Variants in NCMAP observed in about 807,000 individuals in gnomAD.
NCMAP encodes the protein non-compact myelin associated protein.
Under a neutral mutation model 7.8 loss-of-function variants are expected in NCMAP, and 8 were observed. That is an observed-to-expected ratio of 1.02 (90% CI 0.60 to 1.84). NCMAP has a LOEUF of 1.84. Among genes scored for constraint, NCMAP ranks in the 40% most tolerant of loss-of-function variants. NCMAP has a pLI of 0.00. For synonymous variants in NCMAP, 41 were observed against 52.9 expected, an observed-to-expected ratio of 0.78 and a Z score of 0.98; for missense variants, 112 against 131.4, an observed-to-expected ratio of 0.85 and a Z score of 0.72.
chr1:24,575,710 C>T (rs1029342645), intron 1 of NCMAP, among the ~76,000 whole-genome samples: 1 of 151,964 alleles, frequency 6.6e-6, no homozygotes, highest in Non-Finnish European at 1.5e-5. Flanking sequence ...CTTTGAGAGG[C>T]CGAGGCGGCT....
chr1:24,596,482 A>G (rs1227262780), intron 2 of NCMAP, among the ~76,000 whole-genome samples: 1 of 152,146 alleles, frequency 6.6e-6, no homozygotes, highest in African/African-American at 2.4e-5. Context: ...TGGGATTTCA[A>G]GACCAGCCTG....
intron 3 of NCMAP, among the ~76,000 whole-genome samples, chr1:24,602,058 T>G (rs1282845743): frequency 2.7e-5 from 4 of 149,998 alleles, no homozygotes; most frequent in Non-Finnish European, 5.9e-5. Context: ...AAAAAAATCA[T>G]ATATATATGT....
At chr1:24,599,108 C>T (rs112986571) in intron 2 of NCMAP, among the ~76,000 whole-genome samples, 5,253 of 150,622 alleles carry the variant, frequency 0.035, 144 homozygotes, top group Middle Eastern at 0.12. Flanking sequence ...GGTGAAACCC[C>T]GTCTCTATTA....
rs11577466 is a variant in NCMAP at position 24,607,266 on chromosome 1, G to A, written c.*1519G>A. 41,554 of 151,996 alleles carry A rather than the reference G, an allele frequency of 0.27. 6,377 individuals carry two copies. The highest frequency in any genetic ancestry group is 0.45 in the Middle Eastern group (133 of 294). The allele number at this position is 151,996 out of a possible 1,614,324, so 9.4% of individuals were successfully genotyped here. ...TCCTTCTGCTTTGGCCTCCCAAAGTGCTGGGATTACAGGCATGGACTATGG... is the reference window on the plus strand; with the variant it reads ...TCCTTCTGCTTTGGCCTCCCAAAGTACTGGGATTACAGGCATGGACTATGG... On this transcript the variant is annotated 3_prime_UTR_variant, in exon 4 of 4. Coordinates refer to ENST00000374392, the MANE Select transcript of NCMAP (RefSeq NM_001010980.5).
intron 1 of NCMAP, among the ~76,000 whole-genome samples, chr1:24,565,271 T>C (rs1651190348): frequency 6.6e-6 from 1 of 151,026 alleles, no homozygotes. Flanking sequence ...GCCCTGGAGG[T>C]TGAAACTGAA....
Position 24,570,156 on chromosome 1 carries a change from G to A in NCMAP, c.-8+13987G>A, listed in dbSNP as rs184291756. ...AGACGGGGTCCCCCTGTGTTTCCCA[G>A]GCTGCTCTTGAACTCCTGAGCTCAA... On this transcript the variant is annotated intron_variant, in intron 1 of 3. Coordinates refer to ENST00000374392, the MANE Select transcript of NCMAP (RefSeq NM_001010980.5). Among the ~76,000 whole-genome samples the A allele has an allele frequency of 1.1e-4, 16 of 148,022 alleles. No individual in the cohort carries two copies. The South Asian group carries it at 3.2e-3, about 29-fold the overall frequency.
At chr1:24,602,569 C>CAAAAAAAA (rs10630961) in intron 3 of NCMAP, among the ~76,000 whole-genome samples, 29 of 40,014 alleles carry the variant, frequency 7.2e-4, no homozygotes, top group African/African-American at 1.3e-3. Flanking sequence ...GACTCCATCT[C>CAAAAAAAA]AAAAAAAAAA....
intron 1 of NCMAP, among the ~76,000 whole-genome samples, chr1:24,562,973 C>A (rs547389603): frequency 6.7e-6 from 1 of 149,834 alleles, no homozygotes; most frequent in African/African-American, 2.5e-5. Context: ...AGCTGGCATC[C>A]CTGGGGGGGG....
At chr1:24,599,992 C>T (rs1034041527) in intron 2 of NCMAP, among the ~76,000 whole-genome samples, 5 of 140,110 alleles carry the variant, frequency 3.6e-5, no homozygotes, top group South Asian at 2.5e-4. Flanking sequence ...AAAACTATAA[C>T]GGGTATTTTT....
chr1:24,599,679 G>T (rs9661700), intron 2 of NCMAP, among the ~76,000 whole-genome samples: 2 of 152,114 alleles, frequency 1.3e-5, no homozygotes, highest in Non-Finnish European at 2.9e-5. Context: ...CCGGGTTCAA[G>T]CAATTCTCCT....
chr1:24,565,957 C>A (rs938173592), intron 1 of NCMAP, among the ~76,000 whole-genome samples: 3 of 152,072 alleles, frequency 2.0e-5, no homozygotes, highest in African/African-American at 7.2e-5. Flanking sequence ...AGAGTGAGTT[C>A]TCATGAGATC....
chr1:24,567,341 G>A (rs1033562867), intron 1 of NCMAP, among the ~76,000 whole-genome samples: 1 of 152,082 alleles, frequency 6.6e-6, no homozygotes, highest in Non-Finnish European at 1.5e-5. Context: ...TATAACTAAG[G>A]TACCTATGAG....
chr1:24,606,292 C>T lies in NCMAP; in HGVS notation c.*545C>T, dbSNP rs1652729556. 2 of 152,440 alleles carry T rather than the reference C, an allele frequency of 1.3e-5. No individual in the cohort carries two copies. The highest frequency in any genetic ancestry group is 2.9e-5 in the Non-Finnish European group (2 of 68,234). 9.4% of individuals were successfully genotyped at this position (152,440 alleles called of 1,614,324 possible). ...TGCCTGCTGGCTCATGACAATTGCT[C>T]AGCACATTTTCCCCTCTTGAAGAAA... is the stretch of plus-strand genomic sequence containing the variant. On this transcript the variant is annotated 3_prime_UTR_variant, in exon 4 of 4. Transcript: ENST00000374392.
intron 1 of NCMAP, among the ~76,000 whole-genome samples, chr1:24,588,071 A>C (rs1338039777): frequency 1.3e-5 from 2 of 151,690 alleles, no homozygotes; most frequent in Non-Finnish European, 2.9e-5. Flanking sequence ...AGAGGAAAAG[A>C]CTCAATTTTC....
At position 24,598,922 on chromosome 1, in the gene NCMAP, G is replaced by T. The variant is rs560629695; in HGVS notation, c.83-2018G>T. On this transcript the variant is annotated intron_variant, in intron 2 of 3. Coordinates refer to ENST00000374392, the MANE Select transcript of NCMAP (RefSeq NM_001010980.5). ...TAGAGTGCTGGGATTACAGGCGTGA[G>T]CCACCAAACCCAGCAGTTCTTGATA... Among the ~76,000 whole-genome samples, 27 of 151,620 alleles carry T rather than the reference G, an allele frequency of 1.8e-4. No individual in the cohort carries two copies. The South Asian group carries it at 5.6e-3, about 32-fold the overall frequency.
At chr1:24,572,512 C>T (rs1266763095) in intron 1 of NCMAP, among the ~76,000 whole-genome samples, 6 of 150,514 alleles carry the variant, frequency 4.0e-5, no homozygotes, top group South Asian at 2.1e-4. Flanking sequence ...AAGTGAAGAA[C>T]CTGCTAGCCC....
intron 1 of NCMAP, among the ~76,000 whole-genome samples, chr1:24,581,413 G>A (rs906420013): frequency 3.9e-5 from 6 of 152,188 alleles, no homozygotes; most frequent in African/African-American, 1.2e-4. Context: ...CACTGTGACC[G>A]GCCCCTGCTT....
chr1:24,597,550 G>A (rs1470396524), intron 2 of NCMAP, among the ~76,000 whole-genome samples: 1 of 58,266 alleles, frequency 1.7e-5, no homozygotes, highest in Non-Finnish European at 3.1e-5. Context: ...GGGAGGGGGA[G>A]GAGAAGGGGG....
chr1:24,563,669 T>G (rs1651127949), intron 1 of NCMAP: 1 of 152,252 alleles, frequency 6.6e-6, no homozygotes, highest in Non-Finnish European at 1.5e-5. Context: ...TATGTCTTCT[T>G]TTTCCAAAGA....
Sources: allele counts gnomAD v4.1 joint callset (sites outside exome capture counted in the v4.1 genomes callset), GRCh38; gene constraint gnomAD v4.1.1; transcripts MANE v1.5; gene names NCBI Gene and HGNC (gene_info 2026-07-23, HGNC 2026-07-21).